The following MGST1 variants were observed in gnomAD, a reference collection of about 807,000 sequenced individuals.
MGST1 encodes microsomal glutathione S-transferase 1.
A neutral mutation model predicts 8.9 loss-of-function variants in MGST1; 5 were observed. That is an observed-to-expected ratio of 0.56 (90% CI 0.29 to 1.19). MGST1 has a LOEUF of 1.19. Among genes scored for constraint, MGST1 ranks in the 50% most tolerant of loss-of-function variants. MGST1 has a pLI of 0.08. For synonymous variants in MGST1, 54 were observed against 67.8 expected, an observed-to-expected ratio of 0.80 and a Z score of 1.00; for missense variants, 182 against 187.4, an observed-to-expected ratio of 0.97 and a Z score of 0.17.
chr12:16,399,908 C>G (rs929694858), intron 1 of MGST1: 10 of 1,271,604 alleles, frequency 7.9e-6, no homozygotes, highest in African/African-American at 7.3e-5. Context: ...TAAATCAGCT[C>G]TACTTCATCC....
chr12:16,441,579 G>A (rs12321026), downstream of MGST1, among the ~76,000 whole-genome samples: 4,493 of 151,828 alleles, frequency 0.03, 242 homozygotes, highest in African/African-American at 0.1. Flanking sequence ...AGTTGAAATC[G>A]CACAGTATGT....
intron 4 of MGST1, among the ~76,000 whole-genome samples, chr12:16,511,017 T>C (rs1023505784): frequency 7.2e-5 from 11 of 152,078 alleles, no homozygotes; most frequent in African/African-American, 2.4e-4. Context: ...TAAAATTTGT[T>C]CTACAAAAGA....
At chr12:16,589,885 C>T (rs533218918), downstream of MGST1, among the ~76,000 whole-genome samples, 2 of 152,178 alleles carry the variant, frequency 1.3e-5, no homozygotes, top group South Asian at 2.1e-4. This position sits in a 1 kb window ranked among gnomAD's most constrained non-coding sequence, Gnocchi z 4.2. Flanking sequence ...AATTAAGCCT[C>T]GTAAAGCTCT....
At chr12:16,481,139 A>G (rs1428433214) in intron 4 of MGST1, among the ~76,000 whole-genome samples, 1 of 152,144 alleles carries the variant, frequency 6.6e-6, no homozygotes, top group Non-Finnish European at 1.5e-5. Context: ...CAAAACAAAC[A>G]AACAAAAAAA....
In MGST1 at chr12:16,401,287, A is replaced by T; in HGVS notation, n.778+17683A>T. On this transcript the variant is annotated intron_variant and non_coding_transcript_variant, in intron 1 of 1. Transcript: ENST00000359720. This position sits in a 1 kb window ranked among gnomAD's most constrained non-coding sequence, Gnocchi z 4.3. Reference sequence around the variant, plus strand: ...AGTCAGGTCTGAGAATCCCAAACTGATGCTGAAAACCATTCCTGTCTTCAG... The same window carrying T: ...AGTCAGGTCTGAGAATCCCAAACTGTTGCTGAAAACCATTCCTGTCTTCAG... 6.5e-6 allele frequency: 10 copies of T among 1,534,074 alleles called. No individual in the cohort carries two copies. In the South Asian group the frequency reaches 1.1e-4, roughly 17 times the overall value.
intron 4 of MGST1, among the ~76,000 whole-genome samples, chr12:16,551,890 T>A (rs997712520): frequency 1.3e-5 from 2 of 152,018 alleles, no homozygotes; most frequent in Non-Finnish European, 2.9e-5. Context: ...AAAGTTGCTC[T>A]AGCATCAGAT....
chr12:16,505,353 T>C (rs1424784489), intron 4 of MGST1, among the ~76,000 whole-genome samples: 1 of 152,226 alleles, frequency 6.6e-6, no homozygotes, highest in Admixed American at 6.5e-5. Flanking sequence ...CAGAGCTAGA[T>C]AGCACTGCGA....
At position 16,560,786 on chromosome 12, in the gene MGST1, G is replaced by C. The variant is rs183333370; in HGVS notation, n.483-28742G>C. On this transcript the variant is annotated intron_variant and non_coding_transcript_variant, in intron 4 of 4. Transcript: ENST00000538857. The surrounding 1 kb of genome is among the most constrained non-coding windows in gnomAD (Gnocchi z 5.0). ...AAGACAAATACATTAGGAAGCTTAC[G>C]TAACTGCACATAAACAGAAGTCAAT... The C allele has an allele frequency of 2.3e-5, 12 of 514,966 alleles. No individual in the cohort carries two copies. The African/African-American group carries it at 2.3e-4, about 10-fold the overall frequency. 31.9% of individuals were successfully genotyped at this position (514,966 alleles called of 1,614,324 possible). A position where few individuals can be genotyped will look rare whatever the true frequency, so the allele number is the denominator to read the frequency against.
At chr12:16,365,844 G>T (rs1210604549), downstream of MGST1, among the ~76,000 whole-genome samples, 2 of 152,162 alleles carry the variant, frequency 1.3e-5, no homozygotes, top group East Asian at 1.9e-4. Flanking sequence ...TTTTTTGAAG[G>T]TCATATGCTT....
chr12:16,505,449 A>G (rs2137172772), intron 4 of MGST1, among the ~76,000 whole-genome samples: 1 of 152,126 alleles, frequency 6.6e-6, no homozygotes, highest in East Asian at 1.9e-4. Context: ...ACTCCATCAA[A>G]ACTTTATCAA....
At chr12:16,566,204 A>G (rs1459571370) in intron 4 of MGST1, among the ~76,000 whole-genome samples, 3 of 151,284 alleles carry the variant, frequency 2.0e-5, no homozygotes, top group Non-Finnish European at 4.4e-5. Context: ...TCGACATCAT[A>G]GAAGGAGAAA....
downstream of MGST1, among the ~76,000 whole-genome samples, chr12:16,379,078 T>A (rs889815057): frequency 1.9e-4 from 29 of 152,108 alleles, no homozygotes; most frequent in African/African-American, 6.8e-4. Context: ...AGATATACAA[T>A]CATGTCATCT....
intron 4 of MGST1, among the ~76,000 whole-genome samples, chr12:16,533,567 C>T (rs776209786): frequency 1.6e-4 from 25 of 152,096 alleles, no homozygotes; most frequent in Non-Finnish European, 3.1e-4. Flanking sequence ...TCATAAATTA[C>T]TTATCTGGAG....
chr12:16,387,700 G>C (rs1194148233), intron 1 of MGST1, among the ~76,000 whole-genome samples: 1 of 151,980 alleles, frequency 6.6e-6, no homozygotes, highest in African/African-American at 2.4e-5. Flanking sequence ...CTAATTTTTT[G>C]TATTTTTAGT....
intron 3 of MGST1, among the ~76,000 whole-genome samples, chr12:16,375,778 T>G (rs929301522): frequency 2.1e-4 from 32 of 151,820 alleles, no homozygotes; most frequent in Non-Finnish European, 5.9e-5. Context: ...GATAATTATT[T>G]TTATCTACGT....
intron 4 of MGST1, among the ~76,000 whole-genome samples, chr12:16,515,607 G>T (rs367622911): frequency 1.3e-5 from 2 of 149,082 alleles, no homozygotes; most frequent in Admixed American, 1.3e-4. Flanking sequence ...TCCAGCCTGG[G>T]CAACAAGAGC....
chr12:16,440,465 G>A (rs1941029631), downstream of MGST1, among the ~76,000 whole-genome samples: 2 of 151,632 alleles, frequency 1.3e-5, no homozygotes, highest in South Asian at 2.1e-4. Context: ...TAGTTTTGCT[G>A]GTCCTGAACT....
rs1941586977 is a variant in MGST1, at chr12:16,513,091, TCAAA to T, written n.483-76432_483-76429del. ...ATATCTGCTTCTCTAGTTATCATTA[TCAAA>T]CAAATCATTCTTTCATGTGTATATA... On this transcript the variant is annotated intron_variant and non_coding_transcript_variant, in intron 4 of 4. Transcript: ENST00000538857. This position sits in a 1 kb window ranked among gnomAD's most constrained non-coding sequence, Gnocchi z 4.2. Among the ~76,000 whole-genome samples the T allele has an allele frequency of 6.6e-6, 1 of 152,348 alleles. No homozygotes were observed. The highest frequency in any genetic ancestry group is 1.9e-4 in the East Asian group (1 of 5,194).
chr12:16,553,966 T>C (rs1368368552), intron 4 of MGST1, among the ~76,000 whole-genome samples: 1 of 152,152 alleles, frequency 6.6e-6, no homozygotes, highest in Non-Finnish European at 1.5e-5. Flanking sequence ...ATCTTTCTTG[T>C]AATCTGACCC....
Sources: allele counts gnomAD v4.1 joint callset (sites outside exome capture counted in the v4.1 genomes callset), GRCh38; gene constraint gnomAD v4.1.1; non-coding constraint Gnocchi (gnomAD v3.1); transcripts MANE v1.5; gene names NCBI Gene and HGNC (gene_info 2026-07-23, HGNC 2026-07-21).